The following RAB3IP variants were observed in gnomAD, a reference collection of about 807,000 sequenced individuals.
The protein encoded by RAB3IP is rab-3A-interacting protein.
In RAB3IP, 36 loss-of-function variants were observed where a neutral mutation model predicts 59.1. The ratio of observed to expected loss-of-function variants is 0.61; its 90% CI spans 0.47 to 0.80. The LOEUF is 0.80. RAB3IP is among the 30% of genes least tolerant of loss of function. RAB3IP has a pLI of 0.00. For missense variants in RAB3IP, 511 were observed against 536.0 expected (o/e 0.95, Z 0.46); for synonymous variants, 207 against 191.2 (o/e 1.08, Z -0.68).
intron 1 of RAB3IP, among the ~76,000 whole-genome samples, chr12:69,740,416 T>G (rs1332460116): frequency 6.6e-6 from 1 of 152,236 alleles, no homozygotes; most frequent in Non-Finnish European, 1.5e-5. Context: ...TTTATAGAAA[T>G]AAACAGTTAT....
At chr12:69,782,527 G>A (rs1310561697) in intron 3 of RAB3IP, among the ~76,000 whole-genome samples, 2 of 122,134 alleles carry the variant, frequency 1.6e-5, no homozygotes, top group Admixed American at 8.3e-5. Flanking sequence ...TCACATGCTT[G>A]TTTGTCATCT....
In RAB3IP at chr12:69,815,363, G is replaced by T. The variant is rs1378643184; in HGVS notation, c.1301-1G>T. On this transcript the variant is annotated splice_acceptor_variant, in intron 10 of 10. Transcript: ENST00000247833. LOFTEE classifies it high-confidence loss of function. ...AATATCTCTCTTTTCTGTTTGTATA[G>T]TTGATCAGATGTTTTGGGAGGTTAT... 3.8e-6 allele frequency: 6 copies of T among 1,599,054 alleles called. No individual in the cohort carries two copies. In the Admixed American group the frequency reaches 5.0e-5, roughly 13 times the overall value.
chr12:69,760,437 G>A (rs1467893775), intron 3 of RAB3IP, among the ~76,000 whole-genome samples: 1 of 152,126 alleles, frequency 6.6e-6, no homozygotes, highest in Non-Finnish European at 1.5e-5. Context: ...AGAGGGAGAG[G>A]GAGAGCCTCC....
chr12:69,745,501 G>C (rs1868301015), intron 1 of RAB3IP, among the ~76,000 whole-genome samples: 1 of 150,802 alleles, frequency 6.6e-6, no homozygotes, highest in African/African-American at 2.4e-5. Context: ...AAACAGAGGA[G>C]GAAATGATAA....
At chr12:69,739,757 G>T (rs1355994373) in intron 1 of RAB3IP, 60 of 1,456,208 alleles carry the variant, frequency 4.1e-5, no homozygotes, top group Non-Finnish European at 5.5e-5. Context: ...TTGACAACTC[G>T]CCCCGACCGC....
rs1226981054 is a variant in RAB3IP, at chr12:69,821,209, A to G, written c.*5763A>G. 1 of 152,258 alleles carries G rather than the reference A, an allele frequency of 6.6e-6. No homozygotes were observed. The highest frequency in any genetic ancestry group is 2.4e-5 in the African/African-American group (1 of 41,420). 9.4% of individuals were successfully genotyped at this position (152,258 alleles called of 1,614,324 possible). A position where few individuals can be genotyped will look rare whatever the true frequency, so the allele number is the denominator to read the frequency against. Reference sequence around the variant, plus strand: ...CCGCAGCAGCTCAGCTTTTATCTGTATCTGTTGGAGCTCTCTAGGAAATGT... The same window carrying G: ...CCGCAGCAGCTCAGCTTTTATCTGTGTCTGTTGGAGCTCTCTAGGAAATGT... On this transcript the variant is annotated 3_prime_UTR_variant, in exon 11 of 11. Coordinates refer to ENST00000247833, the MANE Select transcript of RAB3IP (RefSeq NM_022456.5).
At chr12:69,765,364 T>C (rs1872023617) in intron 3 of RAB3IP, among the ~76,000 whole-genome samples, 1 of 152,246 alleles carries the variant, frequency 6.6e-6, no homozygotes, top group Non-Finnish European at 1.5e-5. Flanking sequence ...TTGGATCTTA[T>C]TGAAAGCTTT....
At chr12:69,771,562 T>C (rs986405244) in intron 3 of RAB3IP, among the ~76,000 whole-genome samples, 4 of 152,028 alleles carry the variant, frequency 2.6e-5, no homozygotes, top group Non-Finnish European at 1.5e-5. Context: ...TGATGAACAC[T>C]TAGGTTAATT....
At chr12:69,768,519 G>T (rs964425166) in intron 3 of RAB3IP, among the ~76,000 whole-genome samples, 2 of 152,134 alleles carry the variant, frequency 1.3e-5, no homozygotes, top group Non-Finnish European at 2.9e-5. Flanking sequence ...TGCTCAGGCT[G>T]CTGGGCCAGG....
rs1017791728 is a variant in RAB3IP at position 69,755,612 on chromosome 12, G to A, written c.204G>A (p.Val68=). ...LDVSELPTQP[V]YSSPRRLNCA... Reference sequence around the variant, plus strand: ...TTTCTGAACTTCCTACACAACCCGTGTATTCATCCCCCAGACGTTTAAATT... The same window carrying A: ...TTTCTGAACTTCCTACACAACCCGTATATTCATCCCCCAGACGTTTAAATT... Residue 68 remains valine (V), a synonymous_variant, in exon 2 of 11, where the codon GTG becomes GTA. Coordinates refer to ENST00000247833, the MANE Select transcript of RAB3IP (RefSeq NM_022456.5). 3.1e-6 allele frequency: 5 copies of A among 1,613,748 alleles called. No homozygotes were observed. The highest frequency in any genetic ancestry group is 2.2e-5 in the East Asian group (1 of 44,872).
chr12:69,784,029 T>TC (rs368138015), intron 3 of RAB3IP, among the ~76,000 whole-genome samples: 15 of 152,060 alleles, frequency 9.9e-5, no homozygotes, highest in African/African-American at 1.9e-4. Context: ...GCTTAGATTC[T>TC]CCCCCCCTAT....
intron 4 of RAB3IP, among the ~76,000 whole-genome samples, chr12:69,790,035 C>G (rs78519453): frequency 0.021 from 3,215 of 152,244 alleles, 116 homozygotes; most frequent in African/African-American, 0.073. Context: ...AGGATGCCCA[C>G]TCTTCACCAT....
chr12:69,761,196 G>A (rs1251064451), intron 3 of RAB3IP, among the ~76,000 whole-genome samples: 1 of 152,112 alleles, frequency 6.6e-6, no homozygotes, highest in Non-Finnish European at 1.5e-5. Flanking sequence ...ATCCCATACA[G>A]TATGTTTTTA....
In RAB3IP at chr12:69,770,062, G is replaced by A. The variant is rs1417422189; in HGVS notation, c.510+13399G>A. 3.0e-5 allele frequency among the ~76,000 whole-genome samples: 4 copies of A among 132,350 alleles called. 1 individual carries two copies. Among genetic ancestry groups the A allele is most frequent in the Middle Eastern group, 7.2e-3 (2 of 278 alleles). The allele number at this position is 132,350 out of a possible 152,430, so 86.8% of individuals were successfully genotyped here. A position where few individuals can be genotyped will look rare whatever the true frequency, so the allele number is the denominator to read the frequency against. On this transcript the variant is annotated intron_variant, in intron 3 of 10. Transcript: ENST00000247833. Reference sequence around the variant, plus strand: ...AAAAGCACAGTTACATATGATAAAAGTCTATGTCTTCATCAGTTTAAGAGA... The same window carrying A: ...AAAAGCACAGTTACATATGATAAAAATCTATGTCTTCATCAGTTTAAGAGA...
intron 4 of RAB3IP, among the ~76,000 whole-genome samples, chr12:69,790,804 G>A (rs1876481316): frequency 6.6e-6 from 1 of 152,086 alleles, no homozygotes; most frequent in Non-Finnish European, 1.5e-5. Flanking sequence ...GGTTGGTCTT[G>A]AACTCCTGAC....
intron 1 of RAB3IP, chr12:69,739,632 C>G (rs1164516829): frequency 6.7e-6 from 4 of 599,782 alleles, no homozygotes; most frequent in South Asian, 2.0e-5. Flanking sequence ...GTGGGAAATT[C>G]CGGGCAGGCG....
At chr12:69,794,964 C>T (rs1877208822) in intron 5 of RAB3IP, among the ~76,000 whole-genome samples, 177 bp from the exon 6 acceptor site, 1 of 152,100 alleles carries the variant, frequency 6.6e-6, no homozygotes, top group Non-Finnish European at 1.5e-5. Flanking sequence ...ATAGATGAAT[C>T]CAAACCATAT....
At chr12:69,799,465 A>G (rs17225631) in intron 6 of RAB3IP, among the ~76,000 whole-genome samples, 6,322 of 152,254 alleles carry the variant, frequency 0.042, 137 homozygotes, top group Non-Finnish European at 0.048. Flanking sequence ...GGTGAGAAAG[A>G]GAGGGATAGC....
At chr12:69,809,788 G>GTT (rs2136279890) in intron 8 of RAB3IP, among the ~76,000 whole-genome samples, 1 of 152,240 alleles carries the variant, frequency 6.6e-6, no homozygotes, top group Admixed American at 6.5e-5. Context: ...GGTTATTCTA[G>GTT]TTATCCATTC....
Sources: gnomAD v4.1 joint callset for allele counts (sites outside exome capture counted in the v4.1 genomes callset) on GRCh38, gnomAD v4.1.1 for gene constraint, MANE v1.5 for transcripts, NCBI Gene and HGNC (gene_info 2026-07-23, HGNC 2026-07-21) for gene names.